Variants in PHF21B observed in about 807,000 individuals in gnomAD.
PHF21B encodes PHD finger protein 21B.
PHF21B carries 22 observed loss-of-function variants against 62.2 expected under a neutral mutation model. The observed-to-expected ratio is 0.35, with a 90% CI of 0.25 to 0.51. The LOEUF (loss-of-function observed/expected upper bound fraction) is 0.51, where lower values mean the gene tolerates loss of function less well. Among genes scored for constraint, PHF21B ranks in the 20% least tolerant of loss-of-function variants. The probability of loss-of-function intolerance (pLI) is 0.97; values close to 1 mark genes in which losing one functional copy is unlikely to be tolerated. For missense variants in PHF21B, 701 were observed against 707.9 expected (o/e 0.99, Z 0.11); for synonymous variants, 341 against 314.7 (o/e 1.08, Z -0.88).
chr22:44,995,194 T>C (rs1401535947), intron 2 of PHF21B, among the ~76,000 whole-genome samples: 1 of 152,098 alleles, frequency 6.6e-6, no homozygotes, highest in Non-Finnish European at 1.5e-5. Flanking sequence ...TGTAATAAAA[T>C]GTGTTGCTAA....
At chr22:44,994,731 T>G (rs1042373456) in intron 2 of PHF21B, among the ~76,000 whole-genome samples, 3 of 152,184 alleles carry the variant, frequency 2.0e-5, no homozygotes, top group African/African-American at 7.2e-5. Context: ...TTTCCTCCCC[T>G]GGCACCCACT....
rs1248592548 is a variant in PHF21B, at chr22:44,904,680, G to A, written c.832-8597C>T. Among the ~76,000 whole-genome samples the A allele has an allele frequency of 3.0e-5, 4 of 134,798 alleles. 1 individual carries two copies. Among genetic ancestry groups the A allele is most frequent in the Non-Finnish European group, 6.3e-5 (4 of 63,868 alleles). 88.4% of individuals were successfully genotyped at this position (134,798 alleles called of 152,430 possible). A position where few individuals can be genotyped will look rare whatever the true frequency, so the allele number is the denominator to read the frequency against. ...CAGAGGCAGCAGAGGTCAGGGCTGG[G>A]CAGCAAGCCAATGGTGCAATGAGCA... On this transcript the variant is annotated intron_variant, in intron 5 of 12. Transcript: ENST00000313237.
At chr22:45,004,550 CT>C (rs2073279585) in intron 2 of PHF21B, among the ~76,000 whole-genome samples, 1 of 152,230 alleles carries the variant, frequency 6.6e-6, no homozygotes, top group African/African-American at 2.4e-5. Context: ...TATAATGATA[CT>C]GTTTCAACAA....
At position 44,959,202 on chromosome 22, in the gene PHF21B, C is replaced by T. The variant is rs760389857; in HGVS notation, c.121-38712G>A. 8.9e-4 allele frequency among the ~76,000 whole-genome samples: 135 copies of T among 152,284 alleles called. 1 individual carries two copies. The highest frequency in any genetic ancestry group is 4.1e-4 in the Non-Finnish European group (28 of 68,036). ...CTGATGATCTGCTCCCATCTCAGGA[C>T]GAGGCTCGCATGCCTTCTGGAGGGC... On this transcript the variant is annotated intron_variant, in intron 2 of 12. Transcript: ENST00000313237.
At chr22:44,998,600 T>G (rs1042330894) in intron 2 of PHF21B, among the ~76,000 whole-genome samples, 2 of 152,114 alleles carry the variant, frequency 1.3e-5, no homozygotes, top group African/African-American at 4.8e-5. Flanking sequence ...ACATGTCCCC[T>G]CAATTTCCAC....
chr22:44,984,171 C>CACT (rs2072900163), intron 2 of PHF21B, among the ~76,000 whole-genome samples: 2 of 149,750 alleles, frequency 1.3e-5, no homozygotes, highest in African/African-American at 2.5e-5. Context: ...CCACCATCAT[C>CACT]ACCATCACAA....
chr22:44,958,998 T>C (rs746343918), intron 2 of PHF21B, among the ~76,000 whole-genome samples: 3 of 152,034 alleles, frequency 2.0e-5, no homozygotes, highest in South Asian at 2.1e-4. Context: ...GCTGGTTCCA[T>C]GGCCGGCCCC....
At chr22:44,958,409 G>T (rs1444168925) in intron 2 of PHF21B, among the ~76,000 whole-genome samples, 5 of 152,174 alleles carry the variant, frequency 3.3e-5, no homozygotes, top group African/African-American at 9.7e-5. Flanking sequence ...CCGGAGGCCT[G>T]TGTCCTTCGA....
At chr22:44,889,811 C>A (rs770285257) in intron 8 of PHF21B, 29 bp from the exon 9 acceptor site, 2 of 1,542,142 alleles carry the variant, frequency 1.3e-6, no homozygotes, top group South Asian at 2.6e-5. Context: ...GCGGAGAACA[C>A]GTTAGTGGCC....
chr22:44,941,308 C>T (rs1183475450), intron 2 of PHF21B, among the ~76,000 whole-genome samples: 1 of 152,186 alleles, frequency 6.6e-6, no homozygotes, highest in African/African-American at 2.4e-5. Context: ...CATGCCGCAC[C>T]ACCAGCTCTC....
At chr22:44,896,472 A>C (rs909594605) in intron 5 of PHF21B, among the ~76,000 whole-genome samples, 4 of 152,208 alleles carry the variant, frequency 2.6e-5, no homozygotes, top group Admixed American at 2.6e-4. Context: ...CTCGATTTGG[A>C]GGGGCTCCTT....
intron 2 of PHF21B, among the ~76,000 whole-genome samples, chr22:44,960,444 C>T (rs959067324): frequency 6.6e-6 from 1 of 152,224 alleles, no homozygotes; most frequent in Non-Finnish European, 1.5e-5. Flanking sequence ...CCCAGGTCGT[C>T]GCCCAACCCT....
chr22:44,910,044 C>T (rs749637631), intron 5 of PHF21B, among the ~76,000 whole-genome samples: 11 of 152,158 alleles, frequency 7.2e-5, no homozygotes, highest in Non-Finnish European at 8.8e-5. Flanking sequence ...GCCTTTGGCA[C>T]GGAGCCTGGC....
Position 44,948,983 on chromosome 22 carries a change from G to A in PHF21B, c.121-28493C>T, listed in dbSNP as rs558976344. Among the ~76,000 whole-genome samples the A allele has an allele frequency of 2.0e-5, 3 of 152,290 alleles. No homozygotes were observed. The East Asian group carries it at 5.8e-4, about 29-fold the overall frequency. ...CCAGTTTGGGGTTCTTTGGTGGTTG[G>A]GAAGTAACGCTCAAGCTCTTTTGAA... On this transcript the variant is annotated intron_variant, in intron 2 of 12. Transcript: ENST00000313237.
chr22:44,889,329 G>A (rs1332678994), intron 9 of PHF21B, among the ~76,000 whole-genome samples: 1 of 152,246 alleles, frequency 6.6e-6, no homozygotes, highest in East Asian at 1.9e-4. Flanking sequence ...ATGTGGGTGT[G>A]TGGGGTGAGT....
intron 2 of PHF21B, among the ~76,000 whole-genome samples, chr22:44,978,286 G>A (rs1305233221): frequency 5.3e-5 from 8 of 152,098 alleles, no homozygotes; most frequent in Non-Finnish European, 7.4e-5. Context: ...CCCCAACACC[G>A]TCATCATTCT....
At chr22:44,889,630 A>C (rs1247920164) in intron 9 of PHF21B, 130 bp downstream of exon 9, 37 of 1,177,756 alleles carry the variant, frequency 3.1e-5, no homozygotes, top group Non-Finnish European at 4.3e-5. Context: ...CTTAGCACCT[A>C]AAGGCAGAAC....
intron 7 of PHF21B, among the ~76,000 whole-genome samples, 199 bp downstream of exon 7, chr22:44,893,244 ACATCTCCTCTTCCG>A (rs2070997682): frequency 6.6e-6 from 1 of 152,162 alleles, no homozygotes; most frequent in South Asian, 2.1e-4. Context: ...GAATAAACTG[ACATCTCCTCTTCCG>A]CATCTTCCTA....
intron 10 of PHF21B, among the ~76,000 whole-genome samples, chr22:44,887,732 G>C (rs930674582): frequency 1.4e-5 from 2 of 138,002 alleles, no homozygotes; most frequent in Non-Finnish European, 3.0e-5. Flanking sequence ...TCCAGCCTGG[G>C]CAACAGAACG....
Sources: allele counts gnomAD v4.1 joint callset (sites outside exome capture counted in the v4.1 genomes callset), GRCh38; gene constraint gnomAD v4.1.1; transcripts MANE v1.5; gene names NCBI Gene and HGNC (gene_info 2026-07-23, HGNC 2026-07-21).